Variants in TTN observed in about 807,000 individuals in gnomAD.
The protein encoded by TTN is connectin.
A neutral mutation model predicts 3,223.0 loss-of-function variants in TTN; 1,525 were observed. That is an observed-to-expected ratio of 0.47 (90% CI 0.45 to 0.49). TTN has a LOEUF of 0.49. Among genes scored for constraint, TTN ranks in the 20% least tolerant of loss-of-function variants. TTN has a pLI of 0.00. For synonymous variants in TTN, 14,094 were observed against 15,161.0 expected, an observed-to-expected ratio of 0.93 and a Z score of 5.17; for missense variants, 40,786 against 43,424.0, an observed-to-expected ratio of 0.94 and a Z score of 5.40.
At position 178,740,436 on chromosome 2, in the gene TTN, C is replaced by A. The variant is rs758631241; in HGVS notation, c.12797G>T (p.Ser4266Ile). Residue 4266 changes from serine (S) to isoleucine (I), a missense_variant, in exon 48 of 363, where the codon AGC (serine) becomes ATC (isoleucine). By Grantham distance (142) the Ser-to-Ile change is moderately radical (BLOSUM62 -2). Transcript: ENST00000589042. ...EAQSALILSQ[S>I]LAEGHVESLQ... ...ACTCTCCACGTGTCCCTCAGCTAAG[C>A]TCTGACTCAAGATGAGCGCACTTTG... The A allele has an allele frequency of 1.1e-5, 17 of 1,613,362 alleles. No homozygotes were observed. Among genetic ancestry groups the A allele is most frequent in the East Asian group, 2.2e-5 (1 of 44,778 alleles).
In TTN at chr2:178,745,957, C is replaced by A. The variant is rs767225292; in HGVS notation, c.11312-4036G>T. On this transcript the variant is annotated intron_variant, in intron 47 of 362. Coordinates refer to ENST00000589042, the MANE Select transcript of TTN (RefSeq NM_001267550.2). Reference sequence around the variant, plus strand: ...AACTGCTTAAAGTCACTTTGCTTTTCTTTGCTATCACAGCAAATATTTCAG... The same window carrying A: ...AACTGCTTAAAGTCACTTTGCTTTTATTTGCTATCACAGCAAATATTTCAG... The A allele has an allele frequency of 3.7e-6, 6 of 1,609,722 alleles. No individual in the cohort carries two copies. The Admixed American group carries it at 8.4e-5, about 22-fold the overall frequency.
rs1428205157 is a variant in TTN, at chr2:178,739,590, T to C, written c.13643A>G (p.Asp4548Gly). ...AACCCCTTTAGTGACAGGTGTGGCA[T>C]CCAAATATTTAACCCTACTTTGCAC... ...FNVQSRVKYL[D>G]ATPVTKGVAS... Residue 4548 changes from aspartate (D) to glycine (G), a missense_variant, in exon 48 of 363, where the codon GAT (aspartate) becomes GGT (glycine). By Grantham distance (94) the Asp-to-Gly change is moderately conservative (BLOSUM62 -1). Transcript: ENST00000589042. The C allele has an allele frequency of 6.2e-6, 10 of 1,613,854 alleles. No homozygotes were observed. Among genetic ancestry groups the C allele is most frequent in the Non-Finnish European group, 7.6e-6 (9 of 1,179,832 alleles).
At chr2:178,773,023 T>C in intron 33 of TTN, 86 bp downstream of exon 33, 1 of 1,578,758 alleles carries the variant, frequency 6.3e-7, no homozygotes, top group Non-Finnish European at 8.7e-7. Flanking sequence ...AGTGGGAAAC[T>C]GAAAGGAATT....
At chr2:178,600,783 G>T in intron 288 of TTN, 71 bp downstream of exon 288, 5 of 1,567,144 alleles carry the variant, frequency 3.2e-6, no homozygotes, top group Non-Finnish European at 4.4e-6. Flanking sequence ...TCTTTTAATT[G>T]TGAACTATTA....
intron 204 of TTN, 31 bp from the exon 205 acceptor site, chr2:178,651,998 G>T (rs770403629): frequency 6.2e-7 from 1 of 1,611,168 alleles, no homozygotes; most frequent in Non-Finnish European, 8.5e-7. Flanking sequence ...TTTAATGCCA[G>T]AATTGACTAA....
At position 178,591,340 on chromosome 2, in the gene TTN, T is replaced by C. The variant is rs746303359; in HGVS notation, c.60385A>G (p.Thr20129Ala). The change falls in exon 304 of 363, where the codon ACA becomes GCA. Residue 20129 changes from threonine (T) to alanine (A), a missense_variant. Coordinates refer to ENST00000589042, the MANE Select transcript of TTN (RefSeq NM_001267550.2). ...IKTDEHYTVE[T>A]DNFSSVLTIK... ...GTAAGTACTGATGAGAAGTTGTCTGTTTCAACTGTGTAGTGCTCATCGGTT... is the reference window on the plus strand; with the variant it reads ...GTAAGTACTGATGAGAAGTTGTCTGCTTCAACTGTGTAGTGCTCATCGGTT... 5 of 1,613,252 alleles carry C rather than the reference T, an allele frequency of 3.1e-6. No homozygotes were observed. Among genetic ancestry groups the C allele is most frequent in the Non-Finnish European group, 4.2e-6 (5 of 1,179,520 alleles).
chr2:178,579,090 G>A lies in TTN; in HGVS notation c.67940C>T (p.Pro22647Leu). 6.2e-7 allele frequency: 1 copy of A among 1,613,312 alleles called. No individual in the cohort carries two copies. The highest frequency in any genetic ancestry group is 8.5e-7 in the Non-Finnish European group (1 of 1,179,538). The part of the protein sequence containing the change: ...SIKVVGKPGI[P>L]TGPIKFDEVT... The stretch of plus-strand genomic sequence containing the variant: ...TTCATCAAATTTGATTGGTCCAGTG[G>A]GGATGCCAGGCTTGCCAACAACCTT... Residue 22647 changes from proline to leucine, a missense_variant, in exon 320 of 363, where the codon CCC becomes CTC. By Grantham distance (98) the Pro-to-Leu change is moderately conservative (BLOSUM62 -3). Coordinates refer to ENST00000589042, the MANE Select transcript of TTN (RefSeq NM_001267550.2).
intron 13 of TTN, 102 bp downstream of exon 13, chr2:178,789,258 T>A (rs2093364115): frequency 2.7e-6 from 4 of 1,507,020 alleles, no homozygotes. Flanking sequence ...CATAAGAAAT[T>A]CAGAGACTTG....
rs754082474 is a variant in TTN, at chr2:178,592,519, G to A, written c.59486C>T (p.Thr19829Ile). The A allele has an allele frequency of 1.2e-6, 2 of 1,613,472 alleles. No individual in the cohort carries two copies. The highest frequency in any genetic ancestry group is 1.1e-5 in the South Asian group (1 of 91,062). Residue 19829 changes from threonine (T) to isoleucine (I), a missense_variant, in exon 301 of 363, where the codon ACT becomes ATT. Transcript: ENST00000589042. ...TGGAGTCACATCAATTCTTGCTTTA[G>A]TTGGAGCATCTCTGTCTTCTTTTTT... ...TWKKEDRDAPTKARIDVTPVG... is the reference protein window; with the variant it reads ...TWKKEDRDAPIKARIDVTPVG...
chr2:178,526,972 A>C lies in TTN; in HGVS notation c.*40T>G. On this transcript the variant is annotated 3_prime_UTR_variant, in exon 363 of 363. Coordinates refer to ENST00000589042, the MANE Select transcript of TTN (RefSeq NM_001267550.2). ...TTAGTCCGTGTGAAACGTTTGCGAA[A>C]AGTTAAGAATGAGTGTAGAGTATAA... is the stretch of plus-strand genomic sequence containing the variant. 6.7e-7 allele frequency: 1 copy of C among 1,498,650 alleles called. No individual in the cohort carries two copies. The highest frequency in any genetic ancestry group is 1.4e-5 in the South Asian group (1 of 69,514). 92.8% of individuals were successfully genotyped at this position (1,498,650 alleles called of 1,614,324 possible).
In TTN at chr2:178,603,917, G is replaced by A. The variant is rs1429008245; in HGVS notation, c.54770C>T (p.Pro18257Leu). Residue 18257 changes from proline (P) to leucine (L), a missense_variant, in exon 282 of 363, where the codon CCC becomes CTC. Physicochemically the swap from Pro to Leu is moderately conservative, Grantham distance 98 (BLOSUM62 -3). Transcript: ENST00000589042. ...AACCTCTGGATCTGATGGTTCACTG[G>A]GAGGACCAATTCCTGCAGCATTTAT... is the stretch of plus-strand genomic sequence containing the variant. The part of the protein sequence containing the change: ...MAINAAGIGP[P>L]SEPSDPEVAG... 1 of 1,611,462 alleles carries A rather than the reference G, an allele frequency of 6.2e-7. No individual in the cohort carries two copies.
rs1212016273 is a variant in TTN at position 178,612,878 on chromosome 2, G to A, written c.49843C>T (p.Leu16615Phe). 4 of 1,612,512 alleles carry A rather than the reference G, an allele frequency of 2.5e-6. No homozygotes were observed. Among genetic ancestry groups the A allele is most frequent in the South Asian group, 1.1e-5 (1 of 91,050 alleles). Residue 16615 changes from leucine (L) to phenylalanine (F), a missense_variant, in exon 265 of 363, where the codon CTC becomes TTC. Leu to Phe is a conservative substitution (Grantham distance 22, BLOSUM62 0). Coordinates refer to ENST00000589042, the MANE Select transcript of TTN (RefSeq NM_001267550.2). ...VPTTQHLLPG[L>F]MEGQEYSFRV... ...AATGAGTATTCCTGTCCTTCCATGA[G>A]CCCTGGGAGCAAGTGCTGAGTGGTG...
chr2:178,739,552 C>A lies in TTN; in HGVS notation c.13681G>T (p.Val4561Phe). The A allele has an allele frequency of 6.2e-7, 1 of 1,613,836 alleles. No individual in the cohort carries two copies. Among genetic ancestry groups the A allele is most frequent in the Non-Finnish European group, 8.5e-7 (1 of 1,179,830 alleles). Residue 4561 changes from valine (V) to phenylalanine (F), a missense_variant, in exon 48 of 363, where the codon GTC becomes TTC. Val to Phe is a conservative substitution (Grantham distance 50). Transcript: ENST00000589042. ...PVTKGVASAV[V>F]SDEKQDESLK... Reference sequence around the variant, plus strand: ...CTCTCATCTTGTTTTTCGTCAGAGACAACAGCTGAAGCAACCCCTTTAGTG... The same window carrying A: ...CTCTCATCTTGTTTTTCGTCAGAGAAAACAGCTGAAGCAACCCCTTTAGTG...
At chr2:178,713,479 G>A (rs1469998154) in intron 92 of TTN, 107 bp from the exon 93 acceptor site, 23 of 1,419,840 alleles carry the variant, frequency 1.6e-5, no homozygotes, top group Non-Finnish European at 2.1e-5. Context: ...ACTATCCCTA[G>A]ATCCATTTGG....
Position 178,739,470 on chromosome 2 carries a change from ACCT to A in TTN, c.13760_13762del (p.Glu4587del). 6.2e-7 allele frequency: 1 copy of A among 1,613,566 alleles called. No individual in the cohort carries two copies. The highest frequency in any genetic ancestry group is 8.5e-7 in the Non-Finnish European group (1 of 1,179,780). The stretch of plus-strand genomic sequence containing the variant: ...AGCTTCCTGTATCTTTACTGTAGCA[ACCT>A]CCTCAGTACCACTTTCAGAGGAAGA... On this transcript the variant is annotated inframe_deletion, in exon 48 of 363. Transcript: ENST00000589042.
At position 178,727,366 on chromosome 2, in the gene TTN, G is replaced by T. The variant is rs771421787; in HGVS notation, c.19999C>A (p.Pro6667Thr). 6.3e-7 allele frequency: 1 copy of T among 1,592,646 alleles called. No homozygotes were observed. Among genetic ancestry groups the T allele is most frequent in the Admixed American group, 1.7e-5 (1 of 57,478 alleles). The part of the protein sequence containing the change: ...CTTMLLVTEP[P>T]KFVKKLEASK... ...GCTTCTAATTTCTTTACAAACTTTG[G>T]TGGTTCTAAAGAGTCAGGAAAGAGG... is the stretch of plus-strand genomic sequence containing the variant. Residue 6667 changes from proline to threonine, a missense_variant, in exon 69 of 363, where the codon CCA becomes ACA. Transcript: ENST00000589042.
rs553295928 is a variant in TTN, at chr2:178,602,343, A to G, written c.55059T>C (p.Asn18353=). ...CACTTGGTTCAGATTCACCAGCTTCATTGACAGCTTTCACTCTGAATCTGT... is the reference window on the plus strand; with the variant it reads ...CACTTGGTTCAGATTCACCAGCTTCGTTGACAGCTTTCACTCTGAATCTGT... ...RKYRFRVKAV[N]EAGESEPSDT... is the part of the protein sequence containing the mutation. The change falls in exon 283 of 363, where the codon AAT becomes AAC. Residue 18353 remains asparagine, a synonymous_variant. Transcript: ENST00000589042. 50 of 1,612,958 alleles carry G rather than the reference A, an allele frequency of 3.1e-5. No homozygotes were observed. In the Middle Eastern group the frequency reaches 5.0e-4, roughly 16 times the overall value.
In TTN at chr2:178,531,159, G is replaced by A. The variant is rs745952060; in HGVS notation, c.105456C>T (p.Thr35152=). 14 of 1,613,920 alleles carry A rather than the reference G, an allele frequency of 8.7e-6. No individual in the cohort carries two copies. Among genetic ancestry groups the A allele is most frequent in the Non-Finnish European group, 1.1e-5 (13 of 1,179,882 alleles). The part of the protein sequence containing the change: ...EGESARFSCD[T]DGEPVPTVTW... Reference sequence around the variant, plus strand: ...TCACAGTTGGTACCGGCTCACCATCGGTGTCACAAGAAAACCTTGCAGACT... The same window carrying A: ...TCACAGTTGGTACCGGCTCACCATCAGTGTCACAAGAAAACCTTGCAGACT... The change falls in exon 358 of 363, where the codon ACC becomes ACT. Residue 35152 remains threonine (T), a synonymous_variant. Transcript: ENST00000589042.
rs141768043 is a variant in TTN, at chr2:178,782,274, G to A, written c.3318C>T (p.Gly1106=). The A allele has an allele frequency of 3.8e-5, 62 of 1,614,032 alleles. No homozygotes were observed. The highest frequency in any genetic ancestry group is 3.3e-4 in the African/African-American group (25 of 75,012). The change falls in exon 20 of 363, where the codon GGC becomes GGT. Residue 1106 remains glycine (G), a synonymous_variant. Transcript: ENST00000589042. ...AGTATACATGGGGCTTTGGGTTGCC[G>A]CCAACTTGGCATCCAAACACCACGC... ...GGSVVFGCQV[G]GNPKPHVYWK...
Sources: allele counts gnomAD v4.1 joint callset, GRCh38; gene constraint gnomAD v4.1.1; transcripts MANE v1.5; gene names NCBI Gene and HGNC (gene_info 2026-07-23, HGNC 2026-07-21).